The following CHLSN variants were observed in gnomAD, a reference collection of about 807,000 sequenced individuals.
CHLSN encodes cholesin.
chr7:1,119,081 C>T, the CHLSN span, among the ~76,000 whole-genome samples: 9 of 151,654 alleles, frequency 5.9e-5, no homozygotes, highest in Admixed American at 2.0e-4. Flanking sequence ...GGTGAAACCC[C>T]GTCTCTACTA....
chr7:1,111,233 T>C, the CHLSN span, among the ~76,000 whole-genome samples: 1 of 152,252 alleles, frequency 6.6e-6, no homozygotes, highest in African/African-American at 2.4e-5. Context: ...TGTTTTGCTA[T>C]TTAAAATAAA....
chr7:993,233 G>T, the CHLSN span, among the ~76,000 whole-genome samples: 1 of 152,202 alleles, frequency 6.6e-6, no homozygotes, highest in African/African-American at 2.4e-5. Context: ...GGAGCGCGTG[G>T]AGAGAGCGCC....
chr7:1,059,940 GTCC>G, the CHLSN span, among the ~76,000 whole-genome samples: 1 of 119,796 alleles, frequency 8.3e-6, no homozygotes, highest in Non-Finnish European at 1.8e-5. Context: ...AGTGGGGCGG[GTCC>G]GTAATGAGGC....
the CHLSN span, chr7:1,092,400 C>T: frequency 1.9e-5 from 30 of 1,603,298 alleles, no homozygotes; most frequent in Middle Eastern, 3.3e-4. Flanking sequence ...TGGGCTTCAT[C>T]GTGCCCTTCG....
the CHLSN span, among the ~76,000 whole-genome samples, chr7:1,031,830 T>C: frequency 7.6e-3 from 940 of 123,894 alleles, 3 homozygotes; most frequent in Middle Eastern, 0.016. Context: ...GAGGGCAGAG[T>C]GGTCCGGGGC....
chr7:1,085,586 A>C, the CHLSN span, among the ~76,000 whole-genome samples: 166 of 152,108 alleles, frequency 1.1e-3, no homozygotes, highest in Non-Finnish European at 1.9e-3. Context: ...CACATTCTAC[A>C]CTGAAGGAGG....
At chr7:983,089 T>C in the CHLSN span, 1 of 846,014 alleles carries the variant, frequency 1.2e-6, no homozygotes. Context: ...TGCAAACTGC[T>C]CGTTCCACAT....
At chr7:1,016,204 C>T in the CHLSN span, among the ~76,000 whole-genome samples, 10 of 88,364 alleles carry the variant, frequency 1.1e-4, no homozygotes, top group African/African-American at 5.1e-4. Flanking sequence ...CAGCAGCGCA[C>T]GCCAGCACAC....
At chr7:1,053,805 C>CAACAG in the CHLSN span, among the ~76,000 whole-genome samples, 1 of 152,166 alleles carries the variant, frequency 6.6e-6, no homozygotes, top group South Asian at 2.1e-4. Flanking sequence ...CCAGCCTGGG[C>CAACAG]AACAGAGCGA....
At chr7:1,060,082 T>C in the CHLSN span, among the ~76,000 whole-genome samples, 4 of 145,164 alleles carry the variant, frequency 2.8e-5, no homozygotes, top group East Asian at 8.2e-4. Flanking sequence ...GGGGCAATTG[T>C]TCCTCGTCAG....
At chr7:1,127,470 C>G in the CHLSN span, 2 of 1,248,442 alleles carry the variant, frequency 1.6e-6, no homozygotes, top group East Asian at 2.6e-5. Context: ...AGAGGTAGGG[C>G]ACTCTCCCAT....
the CHLSN span, among the ~76,000 whole-genome samples, chr7:1,019,639 T>A: frequency 6.6e-6 from 1 of 152,202 alleles, no homozygotes; most frequent in African/African-American, 2.4e-5. Flanking sequence ...GCCTAGTGGC[T>A]GCAGGAAGCT....
chr7:1,088,521 C>T, the CHLSN span, among the ~76,000 whole-genome samples: 1 of 152,134 alleles, frequency 6.6e-6, no homozygotes, highest in Non-Finnish European at 1.5e-5. This position sits in a 1 kb window ranked among gnomAD's most constrained non-coding sequence, Gnocchi z 4.5. Flanking sequence ...TCAGCGTGAC[C>T]GCAGCAGGGG....
At chr7:1,060,075 G>A in the CHLSN span, among the ~76,000 whole-genome samples, 1 of 152,124 alleles carries the variant, frequency 6.6e-6, no homozygotes, top group South Asian at 2.1e-4. Context: ...ATAGTCAGGG[G>A]CAATTGTTCC....
At chr7:1,061,126 T>TTGG in the CHLSN span, among the ~76,000 whole-genome samples, 1 of 152,056 alleles carries the variant, frequency 6.6e-6, no homozygotes, top group Non-Finnish European at 1.5e-5. Flanking sequence ...CCAACTATCC[T>TTGG]CCCCAAAGGC....
At chr7:987,650 C>A in the CHLSN span, 4 of 1,023,834 alleles carry the variant, frequency 3.9e-6, no homozygotes, top group African/African-American at 3.3e-5. Context: ...GCTCCCCGAC[C>A]GGAGGCAATA....
chr7:1,119,584 T>G, the CHLSN span, among the ~76,000 whole-genome samples: 1 of 151,842 alleles, frequency 6.6e-6, no homozygotes, highest in African/African-American at 2.4e-5. Context: ...ATGGAGAAAG[T>G]GCAACTCTTG....
At chr7:1,067,976 G>A in the CHLSN span, among the ~76,000 whole-genome samples, 1 of 152,160 alleles carries the variant, frequency 6.6e-6, no homozygotes, top group African/African-American at 2.4e-5. Context: ...CCCGCCTCTG[G>A]CAGAATCACC....
At chr7:1,049,056 C>T in the CHLSN span, among the ~76,000 whole-genome samples, 1 of 152,256 alleles carries the variant, frequency 6.6e-6, no homozygotes, top group African/African-American at 2.4e-5. Context: ...TGAGCGTGCG[C>T]TCCCCAGGCC....
Sources: allele counts gnomAD v4.1 joint callset (sites outside exome capture counted in the v4.1 genomes callset), GRCh38; gene constraint gnomAD v4.1.1; non-coding constraint Gnocchi (gnomAD v3.1); transcripts MANE v1.5; gene names NCBI Gene and HGNC (gene_info 2026-07-23, HGNC 2026-07-21).